AGAP1: variants seen among roughly 807,000 people sequenced by gnomAD.
The protein encoded by AGAP1 is ArfGAP with GTPase domain, ankyrin repeat and PH domain 1.
AGAP1 carries 29 observed loss-of-function variants against 105.3 expected under a neutral mutation model. The ratio of observed to expected loss-of-function variants is 0.28; its 90% CI spans 0.21 to 0.38. The LOEUF is 0.38. AGAP1 is among the 10% of genes least tolerant of loss of function. AGAP1 has a pLI of 1.00. For synonymous variants in AGAP1, 509 were observed against 485.9 expected, an observed-to-expected ratio of 1.05 and a Z score of -0.63; for missense variants, 998 against 1,165.1, an observed-to-expected ratio of 0.86 and a Z score of 2.09.
Position 235,639,776 on chromosome 2 carries a change from C to T in AGAP1, c.164-69403C>T, listed in dbSNP as rs753472054. On this transcript the variant is annotated intron_variant, in intron 1 of 17. Coordinates refer to ENST00000304032, the MANE Select transcript of AGAP1 (RefSeq NM_001037131.3). This position sits in a 1 kb window ranked among gnomAD's most constrained non-coding sequence, Gnocchi z 5.3. ...CCACATTCTAGACCATCCAGTTTTG[C>T]TTCTCAGGCTCTGAAAAACACTTTT... Among the ~76,000 whole-genome samples, 2 of 152,140 alleles carry T rather than the reference C, an allele frequency of 1.3e-5. No individual in the cohort carries two copies. Among genetic ancestry groups the T allele is most frequent in the Non-Finnish European group, 2.9e-5 (2 of 68,024 alleles).
chr2:236,047,898 C>G (rs1162064263), intron 15 of AGAP1, among the ~76,000 whole-genome samples: 1 of 151,994 alleles, frequency 6.6e-6, no homozygotes, highest in African/African-American at 2.4e-5. Flanking sequence ...CACCACCGCA[C>G]CCAGCCTCTT....
At position 235,771,390 on chromosome 2, in the gene AGAP1, T is replaced by C. The variant is rs1955435501; in HGVS notation, c.673+20902T>C. ...GCCACTCTGGGGCTCCCACCACACG[T>C]GGGCACAGCTGGGAGCAGGGCACCC... On this transcript the variant is annotated intron_variant, in intron 6 of 17. Coordinates refer to ENST00000304032, the MANE Select transcript of AGAP1 (RefSeq NM_001037131.3). Among the ~76,000 whole-genome samples, 8 of 152,244 alleles carry C rather than the reference T, an allele frequency of 5.3e-5. No homozygotes were observed. The South Asian group carries it at 1.7e-3, about 32-fold the overall frequency.
chr2:235,777,442 G>A lies in AGAP1; in HGVS notation c.674-20317G>A, dbSNP rs1177813619. ...AGAAGAAGAATTACAGGTGTGAAGC[G>A]CCCGTGTGGGGCTGATTCCCACCTG... is the stretch of plus-strand genomic sequence containing the variant. On this transcript the variant is annotated intron_variant, in intron 6 of 17. Coordinates refer to ENST00000304032, the MANE Select transcript of AGAP1 (RefSeq NM_001037131.3). The surrounding 1 kb of genome is among the most constrained non-coding windows in gnomAD (Gnocchi z 5.1). Among the ~76,000 whole-genome samples, 2 of 152,234 alleles carry A rather than the reference G, an allele frequency of 1.3e-5. No homozygotes were observed. Among genetic ancestry groups the A allele is most frequent in the South Asian group, 4.1e-4 (2 of 4,834 alleles).
At chr2:235,943,268 G>A (rs1023665069) in intron 12 of AGAP1, among the ~76,000 whole-genome samples, 3 of 151,590 alleles carry the variant, frequency 2.0e-5, no homozygotes, top group South Asian at 2.1e-4. Context: ...TCAACTGTTA[G>A]AATAACATTG....
intron 12 of AGAP1, among the ~76,000 whole-genome samples, chr2:235,952,579 T>C (rs2053782278): frequency 6.6e-6 from 1 of 152,162 alleles, no homozygotes. Flanking sequence ...TGTGAAGTGT[T>C]TGCACTGTAA....
chr2:235,524,774 T>C (rs183331321), intron 1 of AGAP1, among the ~76,000 whole-genome samples: 300 of 152,304 alleles, frequency 2.0e-3, no homozygotes, highest in African/African-American at 7.1e-3. Context: ...ACTCATTGGC[T>C]TGTCTTGGAC....
At chr2:235,647,120 C>CAAAAA (rs72255791) in intron 1 of AGAP1, among the ~76,000 whole-genome samples, 1 of 117,628 alleles carries the variant, frequency 8.5e-6, no homozygotes, top group Admixed American at 8.7e-5. Context: ...GACTCCGTCT[C>CAAAAA]AAAAAAAAAA....
At chr2:235,519,518 A>T (rs1174140886) in intron 1 of AGAP1, among the ~76,000 whole-genome samples, 1 of 152,166 alleles carries the variant, frequency 6.6e-6, no homozygotes, top group Non-Finnish European at 1.5e-5. Flanking sequence ...AAGCATAGAA[A>T]ATACAGAATT....
At chr2:235,543,109 G>A (rs867115857) in intron 1 of AGAP1, among the ~76,000 whole-genome samples, 24 of 50,012 alleles carry the variant, frequency 4.8e-4, no homozygotes, top group Non-Finnish European at 7.0e-4. Flanking sequence ...CCCCCCCCCC[G>A]CCCCCTGCCC....
In AGAP1 at chr2:235,970,054, T is replaced by A. The variant is rs993698760; in HGVS notation, c.1645+1431T>A. ...CTGTCTCTACTAAAAATACAAAAAT[T>A]AGCTGGATGTGGTGGCACATGCCTG... On this transcript the variant is annotated intron_variant, in intron 13 of 17. Coordinates refer to ENST00000304032, the MANE Select transcript of AGAP1 (RefSeq NM_001037131.3). The surrounding 1 kb of genome is among the most constrained non-coding windows in gnomAD (Gnocchi z 5.4). 6.6e-6 allele frequency among the ~76,000 whole-genome samples: 1 copy of A among 151,866 alleles called. No homozygotes were observed. The highest frequency in any genetic ancestry group is 2.1e-4 in the South Asian group (1 of 4,796).
chr2:236,067,288 A>G (rs1186889158), intron 16 of AGAP1, among the ~76,000 whole-genome samples: 3 of 152,174 alleles, frequency 2.0e-5, no homozygotes, highest in Non-Finnish European at 4.4e-5. Context: ...AACAATATAT[A>G]TAACACAATG....
intron 1 of AGAP1, among the ~76,000 whole-genome samples, chr2:235,630,212 C>G (rs991125958): frequency 2.6e-5 from 4 of 151,948 alleles, no homozygotes; most frequent in Non-Finnish European, 4.4e-5. Flanking sequence ...TCCTAAACGT[C>G]TTTCTGTACT....
rs1405028123 is a variant in AGAP1, at chr2:235,931,345, A to G, written c.1483+422A>G. ...CATTTTATATCATTAGGGTGAATTC[A>G]GTCTCCTTGTCTGTTTTCCAGAATT... is the stretch of plus-strand genomic sequence containing the variant. On this transcript the variant is annotated intron_variant, in intron 12 of 17. Transcript: ENST00000304032. This position sits in a 1 kb window ranked among gnomAD's most constrained non-coding sequence, Gnocchi z 5.6. Among the ~76,000 whole-genome samples the G allele has an allele frequency of 6.6e-6, 1 of 152,174 alleles. No homozygotes were observed. The highest frequency in any genetic ancestry group is 1.5e-5 in the Non-Finnish European group (1 of 68,028).
At chr2:235,911,188 C>T (rs2051592502) in intron 11 of AGAP1, among the ~76,000 whole-genome samples, 1 of 152,124 alleles carries the variant, frequency 6.6e-6, no homozygotes, top group South Asian at 2.1e-4. Context: ...TGTGGAATGG[C>T]TAAATCATGC....
In AGAP1 at chr2:235,747,094, G is replaced by A. The variant is rs1373863979; in HGVS notation, c.538+2255G>A. On this transcript the variant is annotated intron_variant, in intron 5 of 17. Transcript: ENST00000304032. The surrounding 1 kb of genome is among the most constrained non-coding windows in gnomAD (Gnocchi z 5.0). ...TGTGATAGGCATCTTAACAATGGCT[G>A]CTTTTGTTCCTCATATTTCAATCTG... 6.6e-6 allele frequency among the ~76,000 whole-genome samples: 1 copy of A among 152,134 alleles called. No individual in the cohort carries two copies. The highest frequency in any genetic ancestry group is 1.5e-5 in the Non-Finnish European group (1 of 68,030).
intron 1 of AGAP1, among the ~76,000 whole-genome samples, chr2:235,683,710 T>A (rs1052442931): frequency 5.3e-5 from 8 of 151,644 alleles, no homozygotes; most frequent in East Asian, 1.9e-4. Context: ...TTTTTTTTTT[T>A]ATTATATTTT....
intron 11 of AGAP1, among the ~76,000 whole-genome samples, chr2:235,925,450 T>C (rs920906836): frequency 7.9e-5 from 12 of 152,310 alleles, no homozygotes; most frequent in Middle Eastern, 3.4e-3. Flanking sequence ...CTCTCTTTCC[T>C]GGGCATTACT....
At chr2:235,933,680 G>A (rs932880202) in intron 12 of AGAP1, among the ~76,000 whole-genome samples, 7 of 151,838 alleles carry the variant, frequency 4.6e-5, no homozygotes, top group Admixed American at 3.9e-4. Flanking sequence ...CTGCAGGCAC[G>A]CGCCACCGTG....
chr2:235,846,726 T>C (rs1961539913), intron 9 of AGAP1, among the ~76,000 whole-genome samples: 1 of 152,180 alleles, frequency 6.6e-6, no homozygotes, highest in Non-Finnish European at 1.5e-5. Flanking sequence ...AGCCTCTAAC[T>C]CCTGGGCTCA....
Sources: allele counts gnomAD v4.1 joint callset (sites outside exome capture counted in the v4.1 genomes callset), GRCh38; gene constraint gnomAD v4.1.1; non-coding constraint Gnocchi (gnomAD v3.1); transcripts MANE v1.5; gene names NCBI Gene and HGNC (gene_info 2026-07-23, HGNC 2026-07-21).